LHFPL3: variants seen among roughly 807,000 people sequenced by gnomAD.
LHFPL3 encodes LHFPL tetraspan subfamily member 3.
A neutral mutation model predicts 19.3 loss-of-function variants in LHFPL3; 5 were observed. The observed-to-expected ratio is 0.26, with a 90% CI of 0.14 to 0.54. The LOEUF (loss-of-function observed/expected upper bound fraction) is 0.54. Ranked by LOEUF, LHFPL3 falls within the 20% of genes least tolerant of loss-of-function variation. The pLI, the probability that LHFPL3 is intolerant of heterozygous loss-of-function variation, is 0.94. For synonymous variants in LHFPL3, 133 were observed against 126.2 expected, an observed-to-expected ratio of 1.05 and a Z score of -0.36; for missense variants, 249 against 307.4, an observed-to-expected ratio of 0.81 and a Z score of 1.42.
intron 1 of LHFPL3, among the ~76,000 whole-genome samples, chr7:104,661,667 C>T (rs961877826): frequency 2.0e-5 from 3 of 152,182 alleles, no homozygotes; most frequent in South Asian, 2.1e-4. Context: ...CCAAAGGTTG[C>T]CTGAAGCCAT....
Position 104,906,740 on chromosome 7 carries a change from C to T in LHFPL3, c.*525C>T, listed in dbSNP as rs148849518. On this transcript the variant is annotated 3_prime_UTR_variant, in exon 3 of 3. Transcript: ENST00000424859. ...TGCCTCTGAATGTTTTCATAGGAGC[C>T]GTGACCTTTGGTTCTTCATCTCTAC... 362 of 153,082 alleles carry T rather than the reference C, an allele frequency of 2.4e-3. 1 individual carries two copies. Among genetic ancestry groups the T allele is most frequent in the Non-Finnish European group, 4.1e-3 (281 of 68,312 alleles). 9.5% of individuals were successfully genotyped at this position (153,082 alleles called of 1,614,324 possible). A position where few individuals can be genotyped will look rare whatever the true frequency, so the allele number is the denominator to read the frequency against.
At chr7:104,724,752 TTAAAA>T (rs1281733756) in intron 1 of LHFPL3, among the ~76,000 whole-genome samples, 2 of 151,156 alleles carry the variant, frequency 1.3e-5, no homozygotes, top group Non-Finnish European at 2.9e-5. Context: ...ACCCCTGAAC[TTAAAA>T]TAAAAGTCAA....
At chr7:104,830,856 T>C (rs1440172362) in intron 2 of LHFPL3, among the ~76,000 whole-genome samples, 2 of 151,854 alleles carry the variant, frequency 1.3e-5, no homozygotes, top group East Asian at 3.8e-4. Context: ...GGGCTTCTCA[T>C]GGAATATATA....
intron 2 of LHFPL3, among the ~76,000 whole-genome samples, chr7:104,823,625 A>G (rs934373324): frequency 3.3e-5 from 5 of 152,206 alleles, no homozygotes; most frequent in Admixed American, 2.6e-4. Context: ...CTATAGATTT[A>G]TAAAGCAAAA....
At chr7:104,738,263 A>G (rs1415112356) in intron 2 of LHFPL3, among the ~76,000 whole-genome samples, 1 of 152,158 alleles carries the variant, frequency 6.6e-6, no homozygotes, top group East Asian at 1.9e-4. Flanking sequence ...TTACACTTTT[A>G]TTTACATTAT....
At chr7:104,818,053 G>A (rs1294308231) in intron 2 of LHFPL3, among the ~76,000 whole-genome samples, 2 of 152,128 alleles carry the variant, frequency 1.3e-5, no homozygotes, top group African/African-American at 2.4e-5. Flanking sequence ...TCACACAAAG[G>A]GCTCTTGGGC....
chr7:104,584,348 A>T (rs1025022017), intron 1 of LHFPL3, among the ~76,000 whole-genome samples: 5 of 152,180 alleles, frequency 3.3e-5, no homozygotes, highest in African/African-American at 1.2e-4. Context: ...TAGGAGATAT[A>T]TCTAATGCTA....
intron 2 of LHFPL3, among the ~76,000 whole-genome samples, chr7:104,769,579 G>C (rs1194286390): frequency 2.6e-5 from 4 of 151,762 alleles, no homozygotes; most frequent in African/African-American, 7.3e-5. Context: ...ATCTACATTA[G>C]GTATTTCTGC....
intron 1 of LHFPL3, among the ~76,000 whole-genome samples, chr7:104,609,620 G>A (rs924755790): frequency 3.3e-5 from 5 of 152,136 alleles, no homozygotes; most frequent in African/African-American, 1.2e-4. Flanking sequence ...TGACAATATT[G>A]TTATTACACA....
chr7:104,363,939 C>A (rs753882967), intron 1 of LHFPL3, among the ~76,000 whole-genome samples: 5 of 152,168 alleles, frequency 3.3e-5, no homozygotes, highest in Non-Finnish European at 5.9e-5. Context: ...TTAAGCTATT[C>A]AGCAGATCAT....
chr7:104,706,571 A>G lies in LHFPL3; in HGVS notation c.446-30104A>G, dbSNP rs561619783. On this transcript the variant is annotated intron_variant, in intron 1 of 2. Transcript: ENST00000424859. ...AAAATTTAAGTTCAGTAAAGATTGC[A>G]TCTCAAAATCACACTGTTGGAAGAT... is the stretch of plus-strand genomic sequence containing the variant. Among the ~76,000 whole-genome samples the G allele has an allele frequency of 3.3e-5, 5 of 152,352 alleles. No homozygotes were observed. The East Asian group carries it at 5.8e-4, about 18-fold the overall frequency.
rs79933361 is a variant in LHFPL3 at position 104,655,748 on chromosome 7, A to G, written c.446-80927A>G. The stretch of plus-strand genomic sequence containing the variant: ...GTCTCCTACCTCTTATCTTCCTTTG[A>G]ATGAGTTCCACCCAACCATTCACTG... On this transcript the variant is annotated intron_variant, in intron 1 of 2. Coordinates refer to ENST00000424859, the MANE Select transcript of LHFPL3 (RefSeq NM_199000.3). 3.3e-5 allele frequency among the ~76,000 whole-genome samples: 5 copies of G among 152,310 alleles called. No homozygotes were observed. In the East Asian group the frequency reaches 9.6e-4, roughly 29 times the overall value.
At chr7:104,361,334 T>A (rs1157612389) in intron 1 of LHFPL3, among the ~76,000 whole-genome samples, 1 of 152,248 alleles carries the variant, frequency 6.6e-6, no homozygotes, top group Non-Finnish European at 1.5e-5. Context: ...AGATTCCTAT[T>A]GATTTTTGTT....
intron 1 of LHFPL3, among the ~76,000 whole-genome samples, chr7:104,526,065 AT>A (rs1434196999): frequency 6.6e-6 from 1 of 152,052 alleles, no homozygotes; most frequent in Non-Finnish European, 1.5e-5. Flanking sequence ...CCCAGAGTCT[AT>A]TTATCAATTC....
Position 104,811,121 on chromosome 7 carries a change from TTCTC to T in LHFPL3, c.682+74218_682+74221del, listed in dbSNP as rs1241038833. On this transcript the variant is annotated intron_variant, in intron 2 of 2. Coordinates refer to ENST00000424859, the MANE Select transcript of LHFPL3 (RefSeq NM_199000.3). The stretch of plus-strand genomic sequence containing the variant: ...ATGAGATCTCTTTCTTTCTCTCTCT[TTCTC>T]TCTCTCTTTCCTTCCTTTCTTTCTT... Among the ~76,000 whole-genome samples, 3 of 147,476 alleles carry T rather than the reference TTCTC, an allele frequency of 2.0e-5. No individual in the cohort carries two copies. In the South Asian group the frequency reaches 6.8e-4, roughly 33 times the overall value.
At chr7:104,840,308 C>CTTTTTT (rs67980957) in intron 2 of LHFPL3, among the ~76,000 whole-genome samples, 3 of 118,374 alleles carry the variant, frequency 2.5e-5, no homozygotes, top group African/African-American at 3.2e-5. Flanking sequence ...TGTGGGTTTT[C>CTTTTTT]TTTTTTTTTT....
intron 2 of LHFPL3, among the ~76,000 whole-genome samples, chr7:104,830,545 A>G (rs1375411133): frequency 1.3e-5 from 2 of 151,836 alleles, no homozygotes; most frequent in Non-Finnish European, 2.9e-5. Flanking sequence ...TCAGCTTTCT[A>G]CATATGGCTA....
chr7:104,819,357 C>T (rs1790631628), intron 2 of LHFPL3, among the ~76,000 whole-genome samples: 1 of 148,806 alleles, frequency 6.7e-6, no homozygotes, highest in Non-Finnish European at 1.5e-5. Context: ...GAATACATTC[C>T]TCTTGCCCAT....
intron 1 of LHFPL3, among the ~76,000 whole-genome samples, chr7:104,625,102 C>T (rs1363572651): frequency 2.0e-5 from 3 of 152,210 alleles, no homozygotes; most frequent in Non-Finnish European, 2.9e-5. Context: ...TTTATCAAAA[C>T]ATCTCTGCAA....
Sources: gnomAD v4.1 joint callset for allele counts (sites outside exome capture counted in the v4.1 genomes callset) on GRCh38, gnomAD v4.1.1 for gene constraint, MANE v1.5 for transcripts, NCBI Gene and HGNC (gene_info 2026-07-23, HGNC 2026-07-21) for gene names.